Variants in CPNE1 observed in about 807,000 individuals in gnomAD.
The protein encoded by CPNE1 is copine 1.
A neutral mutation model predicts 63.2 loss-of-function variants in CPNE1; 58 were observed. That is an observed-to-expected ratio of 0.92 (90% CI 0.74 to 1.14). The LOEUF is 1.14. Among genes scored for constraint, CPNE1 ranks in the 50% most tolerant of loss-of-function variants. The pLI is 0.00. For synonymous variants in CPNE1, 237 were observed against 249.0 expected, an observed-to-expected ratio of 0.95 and a Z score of 0.45; for missense variants, 672 against 661.7, an observed-to-expected ratio of 1.02 and a Z score of -0.17.
Position 35,626,082 on chromosome 20 carries a change from G to A in CPNE1, c.*159C>T, listed in dbSNP as rs117586191. 1.0e-3 allele frequency: 782 copies of A among 774,458 alleles called. 11 individuals carry two copies. The East Asian group carries it at 0.017, about 16-fold the overall frequency. The allele number at this position is 774,458 out of a possible 1,614,324, so 48.0% of individuals were successfully genotyped here. On this transcript the variant is annotated 3_prime_UTR_variant, in exon 16 of 16. Coordinates refer to ENST00000397443, the MANE Select transcript of CPNE1 (RefSeq NM_152925.3). ...GTCTTTATTGAATGAGGGTTGTCAGGAGCAAAGGTGGGATCAAGAGCAGCA... is the reference window on the plus strand; with the variant it reads ...GTCTTTATTGAATGAGGGTTGTCAGAAGCAAAGGTGGGATCAAGAGCAGCA...
chr20:35,655,524 C>T (rs1156813197), intron 1 of CPNE1, among the ~76,000 whole-genome samples: 2 of 152,144 alleles, frequency 1.3e-5, no homozygotes, highest in Non-Finnish European at 2.9e-5. Context: ...CAATGTAAAA[C>T]GTAGACAATT....
intron 1 of CPNE1, chr20:35,655,441 A>G (rs2033838843): frequency 2.0e-6 from 2 of 1,016,436 alleles, no homozygotes; most frequent in African/African-American, 3.2e-5. Flanking sequence ...AGGCCCTCAA[A>G]TATTCCCTCA....
intron 1 of CPNE1, among the ~76,000 whole-genome samples, chr20:35,635,473 C>A (rs1165278235): frequency 6.6e-6 from 1 of 152,142 alleles, no homozygotes; most frequent in Non-Finnish European, 1.5e-5. Context: ...CCCTTGTAAT[C>A]AGGCAGCACC....
intron 13 of CPNE1, among the ~76,000 whole-genome samples, chr20:35,629,521 C>T (rs1208308715): frequency 2.0e-5 from 3 of 152,200 alleles, no homozygotes; most frequent in Admixed American, 6.5e-5. Context: ...TACCATTTTT[C>T]GGAGAACACT....
At chr20:35,656,598 G>A (rs557245231) in intron 1 of CPNE1, among the ~76,000 whole-genome samples, 8 of 152,298 alleles carry the variant, frequency 5.3e-5, no homozygotes, top group Admixed American at 3.9e-4. Flanking sequence ...GCAACGGCAC[G>A]ATCTCGGTTC....
rs2032051180 is a variant in CPNE1 at position 35,630,491 on chromosome 20, C to G, written c.1051-1G>C. 4 of 1,613,972 alleles carry G rather than the reference C, an allele frequency of 2.5e-6. No individual in the cohort carries two copies. Among genetic ancestry groups the G allele is most frequent in the Admixed American group, 1.7e-5 (1 of 59,980 alleles). ...AATTCAAGGCAAATTCATGCGAGAC[C>G]TGGAGACAAGAATGAAAATGAGGTT... On this transcript the variant is annotated splice_acceptor_variant, in intron 12 of 15. Coordinates refer to ENST00000397443, the MANE Select transcript of CPNE1 (RefSeq NM_152925.3). LOFTEE classifies it high-confidence loss of function.
intron 1 of CPNE1, among the ~76,000 whole-genome samples, chr20:35,659,701 A>T (rs189223479): frequency 1.1e-4 from 17 of 152,324 alleles, no homozygotes; most frequent in African/African-American, 4.1e-4. Flanking sequence ...CACCCTAAAA[A>T]TGCCTGACAT....
At chr20:35,628,227 G>C (rs2031893540) in intron 13 of CPNE1, among the ~76,000 whole-genome samples, 1 of 151,894 alleles carries the variant, frequency 6.6e-6, no homozygotes, top group African/African-American at 2.4e-5. Flanking sequence ...GGAGCTTGCA[G>C]TGAGCCAAGA....
chr20:35,643,615 C>G (rs897393113), intron 1 of CPNE1, among the ~76,000 whole-genome samples: 1 of 152,008 alleles, frequency 6.6e-6, no homozygotes, highest in African/African-American at 2.4e-5. Context: ...TGGTGGTGCA[C>G]ACCTGTAATC....
intron 13 of CPNE1, among the ~76,000 whole-genome samples, chr20:35,629,222 G>A (rs537871492): frequency 6.6e-6 from 1 of 152,330 alleles, no homozygotes; most frequent in African/African-American, 2.4e-5. Flanking sequence ...TGAGTTCCAA[G>A]GGACTGAGCT....
Position 35,630,971 on chromosome 20 carries a change from T to C in CPNE1, c.925A>G (p.Ser309Gly), listed in dbSNP as rs1318027744. The C allele has an allele frequency of 3.7e-6, 6 of 1,613,910 alleles. No homozygotes were observed. The African/African-American group carries it at 8.0e-5, about 22-fold the overall frequency. The change falls in exon 11 of 16, where the codon AGT becomes GGT. Residue 309 changes from serine to glycine, a missense_variant. Transcript: ENST00000397443. The part of the protein sequence containing the change: ...PSSPDSLHYL[S>G]PTGVNEYLMA... Reference sequence around the variant, plus strand: ...AGGTACTCATTGACCCCTGTTGGACTCAGGTAGTGTAGGGAGTCAGGTGAG... The same window carrying C: ...AGGTACTCATTGACCCCTGTTGGACCCAGGTAGTGTAGGGAGTCAGGTGAG...
chr20:35,659,093 G>A (rs1317223645), intron 1 of CPNE1: 5 of 557,512 alleles, frequency 9.0e-6, no homozygotes, highest in Middle Eastern at 2.6e-4. Flanking sequence ...TGTACATTAC[G>A]AAGGCGAGTC....
chr20:35,652,453 C>G (rs1367295835), intron 1 of CPNE1: 8 of 1,500,848 alleles, frequency 5.3e-6, no homozygotes, highest in Non-Finnish European at 6.3e-6. Context: ...CCTGGAAATA[C>G]TAGGAAAACA....
intron 1 of CPNE1, among the ~76,000 whole-genome samples, chr20:35,659,494 A>T (rs2034112073): frequency 6.6e-6 from 1 of 152,222 alleles, no homozygotes; most frequent in African/African-American, 2.4e-5. Context: ...TTATTCTTTC[A>T]ATATATTTTA....
In CPNE1 at chr20:35,630,445, A is replaced by G. The variant is rs1394340259; in HGVS notation, c.1096T>C (p.Cys366Arg). The G allele has an allele frequency of 1.9e-6, 3 of 1,614,030 alleles. No individual in the cohort carries two copies. Among genetic ancestry groups the G allele is most frequent in the East Asian group, 2.2e-5 (1 of 44,890 alleles). Residue 366 changes from cysteine to arginine, a missense_variant, in exon 13 of 16, where the codon TGT becomes CGT. By Grantham distance (180) the Cys-to-Arg change is radical (BLOSUM62 -3). Transcript: ENST00000397443. ...ALNFNPSNPY[C>R]AGIQGIVDAY... is the part of the protein sequence containing the mutation. ...GGTGGATGGGGAAACTTACCTGCAC[A>G]GTAGGGGTTACTGGGGTTGAAATTC...
intron 6 of CPNE1, 68 bp from the exon 7 acceptor site, chr20:35,631,845 T>C (rs1040629720): frequency 6.5e-7 from 1 of 1,539,624 alleles, no homozygotes; most frequent in South Asian, 1.1e-5. Flanking sequence ...CACACTTCTC[T>C]ACCCACCTGC....
At chr20:35,640,972 T>G (rs960494109) in intron 1 of CPNE1, among the ~76,000 whole-genome samples, 5 of 152,244 alleles carry the variant, frequency 3.3e-5, no homozygotes, top group Non-Finnish European at 7.3e-5. Flanking sequence ...ATGGAACAGC[T>G]GAGTCTATAG....
chr20:35,639,390 G>A (rs902849203), intron 1 of CPNE1, among the ~76,000 whole-genome samples: 2 of 152,096 alleles, frequency 1.3e-5, no homozygotes, highest in African/African-American at 4.8e-5. Context: ...AGGCTGGAGT[G>A]CAATGGCACC....
chr20:35,655,382 T>C (rs1242610995), intron 1 of CPNE1: 1 of 1,492,696 alleles, frequency 6.7e-7, no homozygotes, highest in Non-Finnish European at 9.0e-7. Context: ...GTCAGACTCC[T>C]GTTTATCACA....
Sources: gnomAD v4.1 joint callset for allele counts (sites outside exome capture counted in the v4.1 genomes callset) on GRCh38, gnomAD v4.1.1 for gene constraint, MANE v1.5 for transcripts, NCBI Gene and HGNC (gene_info 2026-07-23, HGNC 2026-07-21) for gene names.